Variants in STIM1 observed in about 807,000 individuals in gnomAD.
The protein encoded by STIM1 is stromal interaction molecule 1.
Under a neutral mutation model 74.7 loss-of-function variants are expected in STIM1, and 25 were observed. The ratio of observed to expected loss-of-function variants is 0.33; its 90% CI spans 0.24 to 0.47. The LOEUF is 0.47. STIM1 is among the 20% of genes least tolerant of loss of function. The pLI is 1.00. For missense variants in STIM1, 728 were observed against 920.8 expected, an observed-to-expected ratio of 0.79 and a Z score of 2.71; for synonymous variants, 328 against 348.8, an observed-to-expected ratio of 0.94 and a Z score of 0.66.
chr11:4,073,792 A>G (rs2094420615), intron 6 of STIM1, among the ~76,000 whole-genome samples: 1 of 152,194 alleles, frequency 6.6e-6, no homozygotes, highest in African/African-American at 2.4e-5. Context: ...GAAGATACTT[A>G]GGAAAGGAAC....
intron 2 of STIM1, 40 bp from the exon 3 acceptor site, chr11:4,023,833 C>T: frequency 3.9e-6 from 6 of 1,545,642 alleles, no homozygotes; most frequent in Non-Finnish European, 4.5e-6. Flanking sequence ...CGGGCTGACT[C>T]CTAGGTATCT....
intron 4 of STIM1, 70 bp from the exon 5 acceptor site, chr11:4,059,211 G>A (rs193083207): frequency 4.6e-6 from 6 of 1,316,742 alleles, no homozygotes; most frequent in African/African-American, 1.4e-5. Flanking sequence ...TGGGGGAGGC[G>A]GGTAATCCTA....
chr11:3,884,403 A>G (rs910565827), intron 1 of STIM1, among the ~76,000 whole-genome samples: 2 of 152,170 alleles, frequency 1.3e-5, no homozygotes, highest in Non-Finnish European at 2.9e-5. Context: ...TGTGGGAGCC[A>G]GCCAGATGTT....
chr11:4,030,179 A>G (rs1263046028), intron 3 of STIM1, among the ~76,000 whole-genome samples: 2 of 152,100 alleles, frequency 1.3e-5, no homozygotes. Flanking sequence ...AAATACAAAA[A>G]TTAGCCAGGT....
At chr11:3,902,091 T>C (rs1412696834) in intron 1 of STIM1, among the ~76,000 whole-genome samples, 1 of 152,208 alleles carries the variant, frequency 6.6e-6, no homozygotes, top group Admixed American at 6.5e-5. Flanking sequence ...AAACATTTAT[T>C]GTTCTTGGGT....
intron 1 of STIM1, among the ~76,000 whole-genome samples, chr11:3,954,899 A>G (rs2093192657): frequency 6.6e-6 from 1 of 152,216 alleles, no homozygotes; most frequent in Admixed American, 6.5e-5. Context: ...CACCCTAGAT[A>G]TTTGCTCAAG....
chr11:3,969,156 A>G (rs895788788), intron 2 of STIM1, among the ~76,000 whole-genome samples: 1 of 152,018 alleles, frequency 6.6e-6, no homozygotes, highest in Non-Finnish European at 1.5e-5. Flanking sequence ...TAGACAGTGA[A>G]CTCCCTATCA....
At chr11:3,978,059 G>C (rs1484606676) in intron 2 of STIM1, among the ~76,000 whole-genome samples, 3 of 152,092 alleles carry the variant, frequency 2.0e-5, no homozygotes, top group Admixed American at 6.5e-5. Flanking sequence ...TTGATATTAA[G>C]AGGGAGGGCA....
intron 2 of STIM1, among the ~76,000 whole-genome samples, chr11:4,017,126 G>A (rs7940511): frequency 0.044 from 6,672 of 152,264 alleles, 441 homozygotes; most frequent in African/African-American, 0.14. Context: ...CCTCAGTTGG[G>A]AATGCAGAAA....
intron 1 of STIM1, among the ~76,000 whole-genome samples, chr11:3,893,505 GACACAAGT>G (rs1278869504): frequency 1.3e-5 from 2 of 152,178 alleles, no homozygotes; most frequent in Admixed American, 1.3e-4. Flanking sequence ...AATGACCTTG[GACACAAGT>G]ACACAGCCAA....
intron 1 of STIM1, among the ~76,000 whole-genome samples, chr11:3,862,635 G>T (rs145891943): frequency 3.3e-5 from 5 of 151,812 alleles, no homozygotes; most frequent in Non-Finnish European, 5.9e-5. Flanking sequence ...TTTAGTAGAG[G>T]CAGGGTTTCA....
At chr11:4,074,910 A>G (rs1266983096) in intron 7 of STIM1, among the ~76,000 whole-genome samples, 1 of 152,214 alleles carries the variant, frequency 6.6e-6, no homozygotes, top group Non-Finnish European at 1.5e-5. Context: ...AGGCCAAGGC[A>G]GGTGGATCAC....
chr11:3,941,671 T>TAAGAGAG (rs1372399472), intron 1 of STIM1, among the ~76,000 whole-genome samples: 14 of 76,102 alleles, frequency 1.8e-4, no homozygotes, highest in Non-Finnish European at 3.5e-4. Context: ...TATATATATA[T>TAAGAGAG]ATAGAGAGAG....
In STIM1 at chr11:3,856,203, GCTC is replaced by G; in HGVS notation, c.-65_-63del. The G allele has an allele frequency of 1.2e-6, 2 of 1,607,266 alleles. No homozygotes were observed. The highest frequency in any genetic ancestry group is 1.7e-6 in the Non-Finnish European group (2 of 1,175,992). ...TGGAGACCGTCGGCTGCACTCCCGG[GCTC>G]CTGGCTTTGCCTCTGGGATCCCGAG... On this transcript the variant is annotated 5_prime_UTR_variant, in exon 1 of 13. Transcript: ENST00000526596.
chr11:3,969,243 G>T (rs147463075), intron 2 of STIM1, among the ~76,000 whole-genome samples: 2 of 151,918 alleles, frequency 1.3e-5, no homozygotes, highest in African/African-American at 2.4e-5. Flanking sequence ...CCAGCACTTC[G>T]GGAGGCCAAG....
At chr11:3,995,508 A>G (rs1481461316) in intron 2 of STIM1, among the ~76,000 whole-genome samples, 1 of 152,116 alleles carries the variant, frequency 6.6e-6, no homozygotes, top group Non-Finnish European at 1.5e-5. Flanking sequence ...CCAGCTTTTT[A>G]GGTTCACTAA....
chr11:3,960,169 G>T (rs990581992), intron 1 of STIM1, among the ~76,000 whole-genome samples: 3 of 152,014 alleles, frequency 2.0e-5, no homozygotes, highest in Non-Finnish European at 4.4e-5. Context: ...TTTTTTTCAG[G>T]CAGCACTATC....
At position 3,940,135 on chromosome 11, in the gene STIM1, A is replaced by G. The variant is rs530752155; in HGVS notation, c.140-27417A>G. Among the ~76,000 whole-genome samples the G allele has an allele frequency of 3.3e-5, 5 of 152,306 alleles. No homozygotes were observed. In the South Asian group the frequency reaches 1.0e-3, roughly 32 times the overall value. On this transcript the variant is annotated intron_variant, in intron 1 of 12. Coordinates refer to ENST00000526596, the MANE Select transcript of STIM1 (RefSeq NM_001382567.1). ...GGTTTTGTATGGTTAAAGCACAGCTATTTAGTAGCTTTACCCAGAACACAA... is the reference window on the plus strand; with the variant it reads ...GGTTTTGTATGGTTAAAGCACAGCTGTTTAGTAGCTTTACCCAGAACACAA...
In STIM1 at chr11:4,082,358, A is replaced by G; in HGVS notation, c.1137+7A>G. ...GCTGGTGGCCAAGGAGGGGGTGAGA[A>G]CAGCCCTTCTATTGTCCTCTTTTCT... is the stretch of plus-strand genomic sequence containing the variant. On this transcript the variant is annotated splice_region_variant and intron_variant, in intron 8 of 12. Coordinates refer to ENST00000526596, the MANE Select transcript of STIM1 (RefSeq NM_001382567.1). The G allele has an allele frequency of 6.2e-7, 1 of 1,607,640 alleles. No individual in the cohort carries two copies. Among genetic ancestry groups the G allele is most frequent in the African/African-American group, 1.3e-5 (1 of 74,896 alleles).
Sources: gnomAD v4.1 joint callset for allele counts (sites outside exome capture counted in the v4.1 genomes callset) on GRCh38, gnomAD v4.1.1 for gene constraint, MANE v1.5 for transcripts, NCBI Gene and HGNC (gene_info 2026-07-23, HGNC 2026-07-21) for gene names.